SH3GL3: variants seen among roughly 807,000 people sequenced by gnomAD.
SH3GL3 encodes SH3 domain containing GRB2 like 3, endophilin A3.
A neutral mutation model predicts 47.7 loss-of-function variants in SH3GL3; 33 were observed. That is an observed-to-expected ratio of 0.69 (90% CI 0.52 to 0.92). The LOEUF (loss-of-function observed/expected upper bound fraction) is 0.92. SH3GL3 is among the 40% of genes least tolerant of loss of function. The pLI, the probability that SH3GL3 is intolerant of heterozygous loss-of-function variation, is 0.00. For missense variants in SH3GL3, 363 were observed against 417.8 expected (o/e 0.87, Z 1.14); for synonymous variants, 155 against 148.8 (o/e 1.04, Z -0.30).
chr15:83,519,732 C>A (rs189992662), intron 1 of SH3GL3, among the ~76,000 whole-genome samples: 24 of 152,232 alleles, frequency 1.6e-4, no homozygotes, highest in African/African-American at 4.8e-4. Flanking sequence ...AGTGGAAGTT[C>A]TTAATTTTAG....
At position 83,577,330 on chromosome 15, in the gene SH3GL3, AT is replaced by A. The variant is rs547239066; in HGVS notation, c.624+590del. ...AACTTGCTCTAAAGCCTTAGTTGTT[AT>A]GCAAGTTTCTAGAATTTTCTCCTAT... On this transcript the variant is annotated intron_variant, in intron 6 of 8. Transcript: ENST00000427482. 1.2e-4 allele frequency among the ~76,000 whole-genome samples: 19 copies of A among 152,314 alleles called. No individual in the cohort carries two copies. The South Asian group carries it at 3.7e-3, about 30-fold the overall frequency.
At chr15:83,456,878 C>G (rs980259782) in intron 1 of SH3GL3, among the ~76,000 whole-genome samples, 6 of 152,330 alleles carry the variant, frequency 3.9e-5, no homozygotes, top group Admixed American at 6.5e-5. Flanking sequence ...TATTTTTTCT[C>G]TTGACAAGAT....
intron 1 of SH3GL3, among the ~76,000 whole-genome samples, chr15:83,507,861 C>T (rs2042578231): frequency 6.6e-6 from 1 of 152,114 alleles, no homozygotes; most frequent in South Asian, 2.1e-4. Context: ...ACGGTAACTA[C>T]TTTGGAGAAA....
intron 8 of SH3GL3, among the ~76,000 whole-genome samples, chr15:83,600,483 G>A (rs373467350): frequency 7.2e-5 from 11 of 152,182 alleles, no homozygotes; most frequent in South Asian, 6.2e-4. Flanking sequence ...TTGCTTTGTC[G>A]AAGATCAGTT....
At chr15:83,633,171 T>C in the SH3GL3 span, among the ~76,000 whole-genome samples, 1 of 152,192 alleles carries the variant, frequency 6.6e-6, no homozygotes, top group Admixed American at 6.5e-5. Flanking sequence ...CAAGGCATTA[T>C]TGGCAGGTTT....
intron 8 of SH3GL3, among the ~76,000 whole-genome samples, chr15:83,611,945 T>TG (rs2060678873): frequency 6.7e-6 from 1 of 149,314 alleles, no homozygotes; most frequent in African/African-American, 2.4e-5. Context: ...GAACTGAACT[T>TG]GCTTGCAAGC....
chr15:83,582,319 C>T lies in SH3GL3; in HGVS notation c.625-4664C>T, dbSNP rs528648033. Among the ~76,000 whole-genome samples the T allele has an allele frequency of 1.8e-4, 27 of 152,212 alleles. No individual in the cohort carries two copies. In the East Asian group the frequency reaches 5.0e-3, roughly 28 times the overall value. Reference sequence around the variant, plus strand: ...TGTCTTGGTATACATTCACCAGCTACGGGATCCTCCTTCCATTCATGGGTT... The same window carrying T: ...TGTCTTGGTATACATTCACCAGCTATGGGATCCTCCTTCCATTCATGGGTT... On this transcript the variant is annotated intron_variant, in intron 6 of 8. Coordinates refer to ENST00000427482, the MANE Select transcript of SH3GL3 (RefSeq NM_003027.5).
At chr15:83,579,676 G>A (rs1358014064) in intron 6 of SH3GL3, among the ~76,000 whole-genome samples, 1 of 152,168 alleles carries the variant, frequency 6.6e-6, no homozygotes, top group Admixed American at 6.5e-5. Flanking sequence ...AAGAGGCTAA[G>A]GGGGTGCTGT....
chr15:83,530,919 T>C lies in SH3GL3; in HGVS notation c.46-28334T>C, dbSNP rs1021290884. On this transcript the variant is annotated intron_variant, in intron 1 of 8. Transcript: ENST00000427482. ...GGTTAGAGACATTACATTTATTTCC[T>C]TCCAACACAAAGAAAGACAGCAAAT... Among the ~76,000 whole-genome samples, 6 of 152,278 alleles carry C rather than the reference T, an allele frequency of 3.9e-5. No individual in the cohort carries two copies. The South Asian group carries it at 1.2e-3, about 32-fold the overall frequency.
At chr15:83,465,051 A>G (rs928331204) in intron 1 of SH3GL3, among the ~76,000 whole-genome samples, 11 of 146,802 alleles carry the variant, frequency 7.5e-5, no homozygotes, top group South Asian at 2.2e-4. Flanking sequence ...CTCATGTGGG[A>G]AAAAAAAAAG....
chr15:83,528,191 C>G (rs909286952), intron 1 of SH3GL3, among the ~76,000 whole-genome samples: 6 of 152,208 alleles, frequency 3.9e-5, no homozygotes, highest in African/African-American at 1.4e-4. Context: ...GGGCAGTTCC[C>G]TTATGTGACT....
Position 83,588,767 on chromosome 15 carries a change from G to A in SH3GL3, c.834G>A (p.Thr278=), listed in dbSNP as rs771237248. The A allele has an allele frequency of 1.1e-5, 17 of 1,549,672 alleles. No homozygotes were observed. Among genetic ancestry groups the A allele is most frequent in the South Asian group, 1.1e-5 (1 of 89,730 alleles). The part of the protein sequence containing the change: ...NGVSTTSVVK[T]TGSNIPMDQP... Reference sequence around the variant, plus strand: ...TTTCCACCACCTCTGTAGTGAAGACGACAGGTAAGTTGACCATTCTAATAT... The same window carrying A: ...TTTCCACCACCTCTGTAGTGAAGACAACAGGTAAGTTGACCATTCTAATAT... The change falls in exon 8 of 9, where the codon ACG becomes ACA. Residue 278 remains threonine, a synonymous_variant. Transcript: ENST00000427482.
At chr15:83,508,177 T>G (rs2042593093) in intron 1 of SH3GL3, among the ~76,000 whole-genome samples, 1 of 152,032 alleles carries the variant, frequency 6.6e-6, no homozygotes, top group African/African-American at 2.4e-5. Flanking sequence ...CCTGACCTCG[T>G]GATCTGCTTG....
At chr15:83,618,036 T>TTTC (rs2060874617) in intron 8 of SH3GL3, 46 bp from the exon 9 acceptor site, 2 of 1,233,200 alleles carry the variant, frequency 1.6e-6, no homozygotes, top group Non-Finnish European at 2.4e-6. Flanking sequence ...CCATGGATAA[T>TTTC]CCATCATGTT....
rs74949299 is a variant in SH3GL3, at chr15:83,449,772, A to G, written c.45+2194A>G. ...AATTTATGACTTTACCTGAAAGGAGAGGCATCACAGATTCTCTCTGGGCTT... is the reference window on the plus strand; with the variant it reads ...AATTTATGACTTTACCTGAAAGGAGGGGCATCACAGATTCTCTCTGGGCTT... On this transcript the variant is annotated intron_variant, in intron 1 of 8. Coordinates refer to ENST00000427482, the MANE Select transcript of SH3GL3 (RefSeq NM_003027.5). 1.5e-4 allele frequency among the ~76,000 whole-genome samples: 22 copies of G among 148,344 alleles called. 1 individual carries two copies. In the East Asian group the frequency reaches 4.4e-3, roughly 30 times the overall value.
At chr15:83,582,162 G>A (rs1413658122) in intron 6 of SH3GL3, among the ~76,000 whole-genome samples, 2 of 152,200 alleles carry the variant, frequency 1.3e-5, no homozygotes, top group African/African-American at 4.8e-5. Flanking sequence ...TCTTTGCAGA[G>A]AAGTTTATTC....
chr15:83,581,651 G>A (rs532874342), intron 6 of SH3GL3, among the ~76,000 whole-genome samples: 5 of 152,296 alleles, frequency 3.3e-5, no homozygotes, highest in South Asian at 2.1e-4. Flanking sequence ...TGCCACTCCC[G>A]TAATCTCACC....
chr15:83,462,407 C>G (rs1421889413), intron 1 of SH3GL3, among the ~76,000 whole-genome samples: 2 of 152,204 alleles, frequency 1.3e-5, no homozygotes, highest in Non-Finnish European at 2.9e-5. Context: ...ATCCCTTAGT[C>G]CACTTATTGA....
At chr15:83,565,005 T>A in intron 2 of SH3GL3, 129 bp from the exon 3 acceptor site, 1 of 501,670 alleles carries the variant, frequency 2.0e-6, no homozygotes, top group Non-Finnish European at 3.5e-6. Context: ...GTTGAAAACG[T>A]TCATTTGGAT....
Sources: allele counts gnomAD v4.1 joint callset (sites outside exome capture counted in the v4.1 genomes callset), GRCh38; gene constraint gnomAD v4.1.1; transcripts MANE v1.5; gene names NCBI Gene and HGNC (gene_info 2026-07-23, HGNC 2026-07-21).